Variants in MAP4K4 observed in about 807,000 individuals in gnomAD.
MAP4K4 encodes HPK/GCK-like kinase HGK.
A neutral mutation model predicts 189.6 loss-of-function variants in MAP4K4; 38 were observed. That is an observed-to-expected ratio of 0.20 (90% confidence interval 0.15 to 0.26). MAP4K4 has a LOEUF of 0.26. MAP4K4 is among the 10% of genes least tolerant of loss of function. The pLI is 1.00. For synonymous variants in MAP4K4, 610 were observed against 624.3 expected (o/e 0.98, Z 0.34); for missense variants, 1,054 against 1,726.9 (o/e 0.61, Z 6.91).
chr2:101,867,688 T>C (rs1406804532), intron 20 of MAP4K4: 1 of 386,046 alleles, frequency 2.6e-6, no homozygotes, highest in African/African-American at 2.1e-5. Flanking sequence ...GCATTAACCT[T>C]TACTTATTCT....
intron 2 of MAP4K4, among the ~76,000 whole-genome samples, chr2:101,790,427 A>G (rs1370286123): frequency 6.6e-6 from 1 of 151,562 alleles, no homozygotes; most frequent in African/African-American, 2.4e-5. Flanking sequence ...ATCCTTAGAG[A>G]AAAAAAAAGT....
At chr2:101,836,503 G>T (rs540513007) in intron 9 of MAP4K4, among the ~76,000 whole-genome samples, 6 of 151,942 alleles carry the variant, frequency 3.9e-5, no homozygotes, top group Admixed American at 1.3e-4. Context: ...CAGGAGAATC[G>T]CTGGAACCCA....
Position 101,859,168 on chromosome 2 carries a change from C to T in MAP4K4, c.1482+86C>T, listed in dbSNP as rs945680547. ...TGAGCAAGCTGTGGTGGTCACCAGA[C>T]CATTTTGGTTTTGCTGTGGGCAGCC... On this transcript the variant is annotated intron_variant, in intron 14 of 32. Transcript: ENST00000324219. The T allele has an allele frequency of 7.0e-6, 9 of 1,293,018 alleles. No homozygotes were observed. In the South Asian group the frequency reaches 9.7e-5, roughly 14 times the overall value. The allele number at this position is 1,293,018 out of a possible 1,614,324, so 80.1% of individuals were successfully genotyped here.
chr2:101,885,060 CCT>C (rs2098461805), intron 28 of MAP4K4, 125 bp from the exon 29 acceptor site: 1 of 464,852 alleles, frequency 2.2e-6, no homozygotes, highest in African/African-American at 2.0e-5. Context: ...GAATTTTTCC[CCT>C]GCTTGTTTGG....
chr2:101,844,346 TTTCTC>T, intron 12 of MAP4K4, 35 bp downstream of exon 12: 1 of 1,535,098 alleles, frequency 6.5e-7, no homozygotes, highest in South Asian at 1.2e-5. Context: ...TGGTTGGTCT[TTTCTC>T]TTTCTGCATT....
rs570923778 is a variant in MAP4K4 at position 101,830,560 on chromosome 2, C to T, written c.508+966C>T. On this transcript the variant is annotated intron_variant, in intron 6 of 32. Coordinates refer to ENST00000324219, the Ensembl canonical transcript of MAP4K4. ...AGAAATCATAGGCACAGCTGTTGTA[C>T]TGTAAAAGTAAGATCTTCATAGTTA... 7.2e-5 allele frequency among the ~76,000 whole-genome samples: 11 copies of T among 152,336 alleles called. No homozygotes were observed. In the South Asian group the frequency reaches 2.3e-3, roughly 32 times the overall value.
intron 2 of MAP4K4, among the ~76,000 whole-genome samples, chr2:101,757,060 A>G (rs1206867258): frequency 6.6e-6 from 1 of 152,010 alleles, no homozygotes; most frequent in Admixed American, 6.6e-5. Context: ...GGTCTCATTC[A>G]CCTCTTGAGA....
At chr2:101,726,851 G>C (rs552392924) in intron 2 of MAP4K4, among the ~76,000 whole-genome samples, 4 of 152,216 alleles carry the variant, frequency 2.6e-5, no homozygotes, top group African/African-American at 9.6e-5. Context: ...ATGAAGAAAA[G>C]GGATTTGTAT....
In MAP4K4 at chr2:101,740,154, T is replaced by TA. The variant is rs1479435142; in HGVS notation, c.123+41616_123+41617insA. ...CTTCAAAGTTGCTTTATATCATCTT[T>TA]TTTTTTTTTTTTTTTTTGAGACGGA... On this transcript the variant is annotated intron_variant, in intron 2 of 32. Transcript: ENST00000324219. 1.4e-3 allele frequency among the ~76,000 whole-genome samples: 130 copies of TA among 95,128 alleles called. 5 individuals carry two copies. The highest frequency in any genetic ancestry group is 0.012 in the African/African-American group (69 of 5,802). 62.4% of individuals were successfully genotyped at this position (95,128 alleles called of 152,430 possible).
At chr2:101,859,809 G>A (rs761550452) in exon 15 of MAP4K4, 1 of 1,610,800 alleles carries the variant, frequency 6.2e-7, no homozygotes, top group African/African-American at 1.3e-5. Flanking sequence ...AGCAAGCCAA[G>A]CTTCCATGCT....
At chr2:101,741,720 G>A (rs756268039) in intron 2 of MAP4K4, among the ~76,000 whole-genome samples, 1 of 152,214 alleles carries the variant, frequency 6.6e-6, no homozygotes, top group Non-Finnish European at 1.5e-5. Flanking sequence ...AGGACGACTG[G>A]TTTAGTTTTT....
chr2:101,834,485 T>C (rs1484768880), intron 8 of MAP4K4, 22 bp downstream of exon 8: 28 of 1,589,996 alleles, frequency 1.8e-5, no homozygotes, highest in African/African-American at 4.0e-5. Flanking sequence ...TCTTTTCTTT[T>C]TAGCTCACTT....
At chr2:101,835,467 A>C (rs1343364981) in intron 8 of MAP4K4, among the ~76,000 whole-genome samples, 1 of 152,222 alleles carries the variant, frequency 6.6e-6, no homozygotes, top group African/African-American at 2.4e-5. Context: ...TTTAGCTATA[A>C]CAACAAACAG....
intron 3 of MAP4K4, among the ~76,000 whole-genome samples, chr2:101,811,370 CAAAAAA>C (rs71378177): frequency 2.9e-5 from 2 of 68,908 alleles, no homozygotes; most frequent in East Asian, 1.0e-3. Flanking sequence ...GACTGCGTCT[CAAAAAA>C]AAAAAAAAAA....
intron 3 of MAP4K4, chr2:101,797,343 ACT>A (rs1226405997): frequency 7.7e-7 from 1 of 1,290,516 alleles, no homozygotes; most frequent in African/African-American, 1.5e-5. Flanking sequence ...GCTTTGCATG[ACT>A]CTGGCAGACT....
chr2:101,723,243 A>G (rs1272992155), intron 2 of MAP4K4, among the ~76,000 whole-genome samples: 1 of 152,206 alleles, frequency 6.6e-6, no homozygotes, highest in Non-Finnish European at 1.5e-5. Flanking sequence ...GGATGGGGAC[A>G]CAGCCAAACC....
chr2:101,888,166 A>C (rs954430541), intron 31 of MAP4K4, among the ~76,000 whole-genome samples: 3 of 152,194 alleles, frequency 2.0e-5, no homozygotes, highest in Non-Finnish European at 4.4e-5. Context: ...CTCTATTATC[A>C]TAATCTCTCA....
At position 101,882,444 on chromosome 2, in the gene MAP4K4, G is replaced by A. The variant is rs1013839423; in HGVS notation, c.3386-107G>A. ...CAACTTGTGACTTGCCTTTCACTAG[G>A]TTTAAGTGCTGGCCTTAAGTGATTG... On this transcript the variant is annotated intron_variant, in intron 27 of 32. Transcript: ENST00000324219. 13 of 819,882 alleles carry A rather than the reference G, an allele frequency of 1.6e-5. No homozygotes were observed. In the East Asian group the frequency reaches 2.6e-4, roughly 17 times the overall value. The allele number at this position is 819,882 out of a possible 1,614,324, so 50.8% of individuals were successfully genotyped here. A position where few individuals can be genotyped will look rare whatever the true frequency, so the allele number is the denominator to read the frequency against.
At chr2:101,755,485 A>C (rs1388383045) in intron 2 of MAP4K4, among the ~76,000 whole-genome samples, 1 of 152,146 alleles carries the variant, frequency 6.6e-6, no homozygotes, top group African/African-American at 2.4e-5. Flanking sequence ...GGCCTGAGAC[A>C]ACTGTTGAAG....
Sources: gnomAD v4.1 joint callset for allele counts (sites outside exome capture counted in the v4.1 genomes callset) on GRCh38, gnomAD v4.1.1 for gene constraint, MANE v1.5 for transcripts, NCBI Gene and HGNC (gene_info 2026-07-23, HGNC 2026-07-21) for gene names.